Variants in GFI1B observed in about 807,000 individuals in gnomAD.
The protein encoded by GFI1B is growth factor independent 1B transcriptional repressor.
A neutral mutation model predicts 35.3 loss-of-function variants in GFI1B; 20 were observed. That is an observed-to-expected ratio of 0.57 (90% confidence interval 0.40 to 0.82). GFI1B has a LOEUF of 0.82. GFI1B is among the 40% of genes least tolerant of loss of function. GFI1B has a pLI of 0.00. For synonymous variants in GFI1B, 178 were observed against 177.6 expected (o/e 1.00, Z -0.02); for missense variants, 430 against 446.3 (o/e 0.96, Z 0.33).
intron 1 of GFI1B, among the ~76,000 whole-genome samples, chr9:132,961,256 A>G (rs2905081): frequency 0.6 from 90,764 of 151,822 alleles, 27,392 homozygotes; most frequent in South Asian, 0.68. Context: ...GCAAAACAAA[A>G]CAAAACAAAA....
At chr9:132,967,523 T>C (rs1226475003) in intron 1 of GFI1B, among the ~76,000 whole-genome samples, 1 of 152,198 alleles carries the variant, frequency 6.6e-6, no homozygotes, top group African/African-American at 2.4e-5. Context: ...GTCTGGATCC[T>C]GATTCTAAAA....
chr9:132,979,480 C>T (rs1339815311), intron 1 of GFI1B, among the ~76,000 whole-genome samples: 1 of 151,986 alleles, frequency 6.6e-6, no homozygotes, highest in South Asian at 2.1e-4. Context: ...CTCAAACGAT[C>T]CACCTGCCTC....
At chr9:132,984,201 C>T (rs772244051) in intron 1 of GFI1B, among the ~76,000 whole-genome samples, 4 of 152,222 alleles carry the variant, frequency 2.6e-5, no homozygotes, top group Non-Finnish European at 5.9e-5. Context: ...GCAAGGGGAA[C>T]CCCACACCCC....
At chr9:132,955,808 A>ATGTGTGTGTG (rs3049917) in intron 1 of GFI1B, among the ~76,000 whole-genome samples, 2,073 of 146,514 alleles carry the variant, frequency 0.014, 25 homozygotes, top group African/African-American at 0.026. Flanking sequence ...GTGTGTGTGC[A>ATGTGTGTGTG]TGTGTGTGTG....
rs1588441210 is a variant in GFI1B, at chr9:132,988,999, A to G, written c.511-62A>G. 10 of 1,535,922 alleles carry G rather than the reference A, an allele frequency of 6.5e-6. No homozygotes were observed. In the South Asian group the frequency reaches 1.0e-4, roughly 16 times the overall value. On this transcript the variant is annotated intron_variant, in intron 4 of 6. Coordinates refer to ENST00000372122, the MANE Select transcript of GFI1B (RefSeq NM_001377304.1). ...AGCTGGGCATGGAAGAGACCATGGG[A>G]CCCCAGGCCTGTCCCTGTCACCGCA... is the stretch of plus-strand genomic sequence containing the variant.
At position 132,987,092 on chromosome 9, in the gene GFI1B, G is replaced by A. The variant is rs606141; in HGVS notation, c.101-190G>A. Among the ~76,000 whole-genome samples the A allele has an allele frequency of 0.18, 26,986 of 152,204 alleles. 2,602 individuals carry two copies. Among genetic ancestry groups the A allele is most frequent in the South Asian group, 0.36 (1,738 of 4,824 alleles). Reference sequence around the variant, plus strand: ...AACAGACTGGTCCAAAGTCTTCCCCGGGGTCTCCTCCTGGCCTCTTCTTGC... The same window carrying A: ...AACAGACTGGTCCAAAGTCTTCCCCAGGGTCTCCTCCTGGCCTCTTCTTGC... On this transcript the variant is annotated intron_variant, in intron 2 of 6. Transcript: ENST00000372122.
At position 132,988,115 on chromosome 9, in the gene GFI1B, G is replaced by A. The variant is rs62579580; in HGVS notation, c.239-82G>A. On this transcript the variant is annotated intron_variant, in intron 3 of 6. Transcript: ENST00000372122. ...CTTGCCTCAGCCTCCCAAAGTGCTG[G>A]AATTGCAGGCATGAGCCACGCCACT... The A allele has an allele frequency of 0.24, 320,345 of 1,323,334 alleles. 41,180 individuals carry two copies. The highest frequency in any genetic ancestry group is 0.29 in the Middle Eastern group (1,575 of 5,516). The allele number at this position is 1,323,334 out of a possible 1,614,324, so 82.0% of individuals were successfully genotyped here. A position where few individuals can be genotyped will look rare whatever the true frequency, so the allele number is the denominator to read the frequency against.
At chr9:132,960,906 G>A (rs1002901964) in intron 1 of GFI1B, among the ~76,000 whole-genome samples, 10 of 151,874 alleles carry the variant, frequency 6.6e-5, no homozygotes, top group African/African-American at 1.9e-4. Context: ...AAATTGTGCC[G>A]GGCCACACTC....
intron 1 of GFI1B, among the ~76,000 whole-genome samples, chr9:132,960,050 A>C (rs1412622733): frequency 6.6e-6 from 1 of 152,240 alleles, no homozygotes; most frequent in Non-Finnish European, 1.5e-5. Context: ...TGGACCCAGC[A>C]GATGACATGG....
At position 132,952,229 on chromosome 9, in the gene GFI1B, T is replaced by G. The variant is rs551019947; in HGVS notation, c.-701+6560T>G. 2.6e-5 allele frequency: 4 copies of G among 152,344 alleles called. No homozygotes were observed. In the South Asian group the frequency reaches 8.3e-4, roughly 32 times the overall value. 9.4% of individuals were successfully genotyped at this position (152,344 alleles called of 1,614,324 possible). ...TGCACCTAGTTGAACTCTCTAATTT[T>G]ACTAGTTTGTCATTTTATTTTTATT... On this transcript the variant is annotated intron_variant, in intron 1 of 10. Coordinates refer to the GFI1B transcript ENST00000339463.
intron 4 of GFI1B, 136 bp from the exon 5 acceptor site, chr9:132,988,925 A>G (rs1849180253): frequency 3.7e-6 from 3 of 810,284 alleles, no homozygotes; most frequent in Non-Finnish European, 2.1e-6. Flanking sequence ...AGCAAGCAGC[A>G]GAACTGGCAA....
intron 1 of GFI1B, among the ~76,000 whole-genome samples, chr9:132,984,583 T>C (rs966620538): frequency 6.6e-6 from 1 of 152,202 alleles, no homozygotes; most frequent in African/African-American, 2.4e-5. Context: ...GCACCTGCAG[T>C]GGGCTGGGTG....
chr9:132,969,690 A>G (rs988078580), intron 1 of GFI1B, among the ~76,000 whole-genome samples: 4 of 151,664 alleles, frequency 2.6e-5, no homozygotes. Flanking sequence ...TTTGTAAAGG[A>G]CTCTTTCCTG....
intron 1 of GFI1B, chr9:132,962,447 T>G: frequency 2.5e-6 from 1 of 399,646 alleles, no homozygotes; most frequent in Non-Finnish European, 5.0e-6. Context: ...CCATAAAAGA[T>G]TCTTTCTTCT....
chr9:132,969,689 G>A (rs145705547), intron 1 of GFI1B, among the ~76,000 whole-genome samples: 1 of 152,100 alleles, frequency 6.6e-6, no homozygotes, highest in African/African-American at 2.4e-5. Context: ...ATTTGTAAAG[G>A]ACTCTTTCCT....
rs763899545 is a variant in GFI1B, at chr9:132,963,081, CAAAAAAAAAAAA to C, written c.-700-9632_-700-9621del. On this transcript the variant is annotated intron_variant, in intron 1 of 10. Transcript: ENST00000339463. Reference sequence around the variant, plus strand: ...TGGGCAACAGAGTGAGACTCCATCTCAAAAAAAAAAAAAAAAAAAAAAAGGAATCTATTTTTT... The same window carrying C: ...TGGGCAACAGAGTGAGACTCCATCTCAAAAAAAAAAAGGAATCTATTTTTT... Among the ~76,000 whole-genome samples the C allele has an allele frequency of 8.3e-5, 4 of 47,990 alleles. No individual in the cohort carries two copies. The South Asian group carries it at 4.0e-3, about 48-fold the overall frequency. 31.5% of individuals were successfully genotyped at this position (47,990 alleles called of 152,430 possible). A position where few individuals can be genotyped will look rare whatever the true frequency, so the allele number is the denominator to read the frequency against.
intron 1 of GFI1B, among the ~76,000 whole-genome samples, chr9:132,955,498 C>T (rs1481764617): frequency 1.3e-5 from 2 of 152,068 alleles, no homozygotes; most frequent in African/African-American, 4.8e-5. Context: ...TCCTATGTTT[C>T]CCAGGCTGGT....
chr9:132,962,137 CT>C (rs56259129), intron 1 of GFI1B, among the ~76,000 whole-genome samples: 40 of 129,594 alleles, frequency 3.1e-4, no homozygotes, highest in South Asian at 4.9e-4. Context: ...TTTTTTTTTT[CT>C]TTTTTTTTTT....
At chr9:132,958,862 G>T (rs1848322620) in intron 1 of GFI1B, among the ~76,000 whole-genome samples, 1 of 152,224 alleles carries the variant, frequency 6.6e-6, no homozygotes, top group African/African-American at 2.4e-5. Flanking sequence ...CAGAGGCCAA[G>T]ATTTGGGAAG....
Sources: gnomAD v4.1 joint callset for allele counts (sites outside exome capture counted in the v4.1 genomes callset) on GRCh38, gnomAD v4.1.1 for gene constraint, MANE v1.5 for transcripts, NCBI Gene and HGNC (gene_info 2026-07-23, HGNC 2026-07-21) for gene names.